Variants in SPAG16 observed in about 807,000 individuals in gnomAD.
SPAG16 encodes the protein sperm associated antigen 16.
In SPAG16, 86 loss-of-function variants were observed where a neutral mutation model predicts 80.4. The ratio of observed to expected loss-of-function variants is 1.07; its 90% CI spans 0.90 to 1.28. The LOEUF (loss-of-function observed/expected upper bound fraction) is 1.28. Ranked by LOEUF, SPAG16 falls within the 50% of genes most tolerant of loss-of-function variation. The pLI, the probability that SPAG16 is intolerant of heterozygous loss-of-function variation, is 0.00. For missense variants in SPAG16, 870 were observed against 765.3 expected (o/e 1.14, Z -1.61); for synonymous variants, 294 against 265.9 (o/e 1.11, Z -1.03).
chr2:214,103,820 C>A (rs11695596), intron 13 of SPAG16, among the ~76,000 whole-genome samples: 2 of 151,800 alleles, frequency 1.3e-5, no homozygotes, highest in South Asian at 2.1e-4. Flanking sequence ...GGGTGAGAAC[C>A]GGGTGTACCT....
At chr2:214,096,964 G>A (rs186532536) in intron 13 of SPAG16, among the ~76,000 whole-genome samples, 115 of 151,858 alleles carry the variant, frequency 7.6e-4, no homozygotes, top group African/African-American at 2.6e-3. Flanking sequence ...AAACCCATAA[G>A]GTTAAAATTC....
intron 3 of SPAG16, among the ~76,000 whole-genome samples, chr2:213,304,430 T>C (rs957933927): frequency 1.3e-5 from 2 of 152,170 alleles, no homozygotes; most frequent in Non-Finnish European, 2.9e-5. Flanking sequence ...TTGTGAAGTA[T>C]TGCTCAAGAA....
chr2:213,745,164 A>G (rs1186365549), intron 10 of SPAG16, among the ~76,000 whole-genome samples: 3 of 152,184 alleles, frequency 2.0e-5, no homozygotes, highest in East Asian at 3.8e-4. Flanking sequence ...GCAGATGTCT[A>G]TGATTTTAAA....
chr2:214,175,219 GTGTGTATATATATATATAAAGAAA>G (rs200675994), intron 15 of SPAG16, among the ~76,000 whole-genome samples: 2 of 69,850 alleles, frequency 2.9e-5, no homozygotes, highest in Non-Finnish European at 9.2e-5. Context: ...ATAAAGAAAT[GTGTGTATATATATATATAAAGAAA>G]TGTATATATA....
chr2:213,807,566 C>T (rs986627488), intron 10 of SPAG16, among the ~76,000 whole-genome samples: 3 of 152,134 alleles, frequency 2.0e-5, no homozygotes, highest in Admixed American at 1.3e-4. Flanking sequence ...GTTTTACCTT[C>T]CAGCAAAAGT....
At chr2:214,108,130 T>C in intron 13 of SPAG16, 66 bp from the exon 14 acceptor site, 2 of 1,245,168 alleles carry the variant, frequency 1.6e-6, no homozygotes, top group Admixed American at 4.1e-5. Flanking sequence ...CTTAAAAGCA[T>C]CTTTGAATTC....
chr2:213,702,383 T>C (rs552986707), intron 10 of SPAG16, among the ~76,000 whole-genome samples: 2 of 152,362 alleles, frequency 1.3e-5, no homozygotes, highest in African/African-American at 2.4e-5. Flanking sequence ...TTGCTGCTGC[T>C]GTTTGGGTCC....
chr2:213,490,203 T>C, intron 10 of SPAG16, 113 bp downstream of exon 10: 1 of 1,021,864 alleles, frequency 9.8e-7, no homozygotes, highest in Admixed American at 3.4e-5. Flanking sequence ...CTTTCAAAAT[T>C]GCTACTCATA....
At chr2:214,038,151 T>G (rs1459063692) in intron 13 of SPAG16, among the ~76,000 whole-genome samples, 2 of 152,144 alleles carry the variant, frequency 1.3e-5, no homozygotes, top group Non-Finnish European at 2.9e-5. Context: ...CAAAGTAGAG[T>G]ATTGACCTCT....
chr2:213,834,412 G>C (rs1364736520), intron 10 of SPAG16, among the ~76,000 whole-genome samples: 1 of 152,150 alleles, frequency 6.6e-6, no homozygotes. Flanking sequence ...TGAAGAAGTG[G>C]ATTAAACAAA....
At chr2:213,876,704 C>T (rs1399725597) in intron 11 of SPAG16, among the ~76,000 whole-genome samples, 1 of 152,136 alleles carries the variant, frequency 6.6e-6, no homozygotes, top group African/African-American at 2.4e-5. Context: ...ATGGCTCTTT[C>T]TCATACCAAT....
chr2:213,324,895 A>G (rs926256217), intron 5 of SPAG16, among the ~76,000 whole-genome samples: 4 of 152,116 alleles, frequency 2.6e-5, no homozygotes, highest in African/African-American at 7.2e-5. Context: ...AACAGCTACT[A>G]ACATTGAGTG....
intron 10 of SPAG16, among the ~76,000 whole-genome samples, chr2:213,678,704 G>A (rs1179389141): frequency 6.6e-6 from 1 of 152,108 alleles, no homozygotes; most frequent in Admixed American, 6.5e-5. Flanking sequence ...TCCTGGCAGT[G>A]CCCAGTCACT....
intron 9 of SPAG16, among the ~76,000 whole-genome samples, chr2:213,466,071 A>G (rs2072675294): frequency 6.6e-6 from 1 of 152,146 alleles, no homozygotes; most frequent in Admixed American, 6.5e-5. Flanking sequence ...CACAGCCTAA[A>G]TCTTTCTCCT....
chr2:213,980,639 A>G (rs1014677346), intron 12 of SPAG16, among the ~76,000 whole-genome samples: 5 of 144,872 alleles, frequency 3.5e-5, no homozygotes, highest in African/African-American at 1.0e-4. Context: ...ATATGTGTGT[A>G]TATATATAGA....
intron 10 of SPAG16, among the ~76,000 whole-genome samples, chr2:213,745,368 G>A (rs1042177406): frequency 6.6e-6 from 1 of 151,904 alleles, no homozygotes; most frequent in South Asian, 2.1e-4. Flanking sequence ...TCAGCCTCCC[G>A]AGTAGCTGGG....
chr2:213,424,869 C>A (rs1448518989), intron 9 of SPAG16, among the ~76,000 whole-genome samples: 26 of 152,164 alleles, frequency 1.7e-4, no homozygotes, highest in Non-Finnish European at 1.5e-5. Context: ...GGGAACCCAG[C>A]CACTGAGTTA....
intron 12 of SPAG16, among the ~76,000 whole-genome samples, chr2:213,983,503 A>G (rs2045867032): frequency 6.6e-6 from 1 of 151,960 alleles, no homozygotes; most frequent in Non-Finnish European, 1.5e-5. Flanking sequence ...TGCACTCAAA[A>G]TTTTGCAAAG....
At chr2:213,865,683 AATAT>A (rs1191643524) in intron 11 of SPAG16, among the ~76,000 whole-genome samples, 1 of 147,994 alleles carries the variant, frequency 6.8e-6, no homozygotes, top group African/African-American at 2.4e-5. Flanking sequence ...ATATATATAA[AATAT>A]ATAAACATTT....
Sources: allele counts gnomAD v4.1 joint callset (sites outside exome capture counted in the v4.1 genomes callset), GRCh38; gene constraint gnomAD v4.1.1; transcripts MANE v1.5; gene names NCBI Gene and HGNC (gene_info 2026-07-23, HGNC 2026-07-21).